CHADL: variants seen among roughly 807,000 people sequenced by gnomAD.
The protein encoded by CHADL is chondroadherin-like protein.
In CHADL, 48 loss-of-function variants were observed where a neutral mutation model predicts 52.1. The observed-to-expected ratio is 0.92, with a 90% CI of 0.73 to 1.17. The LOEUF (loss-of-function observed/expected upper bound fraction) is 1.17, where lower values mean the gene tolerates loss of function less well. CHADL is among the 50% of genes most tolerant of loss of function. CHADL has a pLI of 0.00. For synonymous variants in CHADL, 498 were observed against 511.2 expected (o/e 0.97, Z 0.35); for missense variants, 977 against 1,035.1 (o/e 0.94, Z 0.77).
In CHADL at chr22:41,229,608, G is replaced by T. The variant is rs1017098166; in HGVS notation, c.*96C>A. ...GTCCAAGAAGCCCCTGCTGGAGGAC[G>T]ACCCTCAGGGTGCCAGGAAGATCTC... is the stretch of plus-strand genomic sequence containing the variant. On this transcript the variant is annotated 3_prime_UTR_variant, in exon 6 of 6. Transcript: ENST00000216241. The T allele has an allele frequency of 1.9e-6, 3 of 1,613,684 alleles. No individual in the cohort carries two copies. The highest frequency in any genetic ancestry group is 2.5e-6 in the Non-Finnish European group (3 of 1,179,862).
intron 3 of CHADL, 70 bp from the exon 4 acceptor site, chr22:41,236,720 GCCCCA>G: frequency 2.1e-6 from 3 of 1,400,928 alleles, no homozygotes; most frequent in Non-Finnish European, 2.9e-6. Flanking sequence ...CTGGAAGGGA[GCCCCA>G]TCTTCCCTCA....
At chr22:41,233,793 C>CA (rs2032683115) in intron 5 of CHADL, among the ~76,000 whole-genome samples, 1 of 152,164 alleles carries the variant, frequency 6.6e-6, no homozygotes, top group Non-Finnish European at 1.5e-5. Flanking sequence ...CTAATGGCCC[C>CA]AGGAATCCCA....
Position 41,238,072 on chromosome 22 carries a change from C to T in CHADL, c.1000G>A (p.Gly334Ser), listed in dbSNP as rs2032781745. Reference sequence around the variant, plus strand: ...AGGCGCCGCGGCCCCTGGCACGCGCCGTCCGAGCGCACGCGCGCCCGCGCC... The same window carrying T: ...AGGCGCCGCGGCCCCTGGCACGCGCTGTCCGAGCGCACGCGCGCCCGCGCC... ...WLARARVRSD[G>S]ACQGPRRLRG... The change falls in exon 3 of 6, where the codon GGC becomes AGC. Residue 334 changes from glycine (G) to serine (S), a missense_variant. Coordinates refer to ENST00000216241, the MANE Select transcript of CHADL (RefSeq NM_138481.2). The surrounding 1 kb of genome is among the most constrained non-coding windows in gnomAD (Gnocchi z 4.9). The T allele has an allele frequency of 1.6e-6, 2 of 1,281,072 alleles. No homozygotes were observed. The highest frequency in any genetic ancestry group is 2.0e-6 in the Non-Finnish European group (2 of 1,022,858). The allele number at this position is 1,281,072 out of a possible 1,614,324, so 79.4% of individuals were successfully genotyped here.
Position 41,238,779 on chromosome 22 carries a change from A to G in CHADL, c.293T>C (p.Val98Ala). ...GAAGGCGCCCTCGGCCACCAGCTCC[A>G]CCTCGCAGTGGCGCAGGTCCAGGTG... The part of the protein sequence containing the change: ...LTHLDLRHCE[V>A]ELVAEGAFRG... The change falls in exon 3 of 6, where the codon GTG becomes GCG. Residue 98 changes from valine (V) to alanine (A), a missense_variant. Coordinates refer to ENST00000216241, the MANE Select transcript of CHADL (RefSeq NM_138481.2). The surrounding 1 kb of genome is among the most constrained non-coding windows in gnomAD (Gnocchi z 4.9). The G allele has an allele frequency of 6.5e-7, 1 of 1,549,558 alleles. No homozygotes were observed. The highest frequency in any genetic ancestry group is 8.7e-7 in the Non-Finnish European group (1 of 1,146,798).
intron 5 of CHADL, chr22:41,231,237 CTG>C (rs946926561): frequency 3.9e-5 from 6 of 152,228 alleles, no homozygotes; most frequent in Non-Finnish European, 7.3e-5. Context: ...TCCCCAGACT[CTG>C]TGTGTGAGAA....
intron 1 of CHADL, among the ~76,000 whole-genome samples, chr22:41,239,880 A>C (rs191124027): frequency 6.6e-6 from 1 of 152,188 alleles, no homozygotes; most frequent in Non-Finnish European, 1.5e-5. Flanking sequence ...CCTCTGCCCA[A>C]TGGCTCAGTG....
rs2032790419 is a variant in CHADL at position 41,238,343 on chromosome 22, G to C, written c.729C>G (p.Thr243=). ...CCAGCCCGTCCTCCTCGCCCGCGTA[G>C]GTGAGCGGGTTGTGGCCCAGCTCCA... ...ARLELGHNPL[T]YAGEEDGLAL... Residue 243 remains threonine (T), a synonymous_variant, in exon 3 of 6, where the codon ACC becomes ACG. Coordinates refer to ENST00000216241, the MANE Select transcript of CHADL (RefSeq NM_138481.2). This position sits in a 1 kb window ranked among gnomAD's most constrained non-coding sequence, Gnocchi z 4.9. The C allele has an allele frequency of 1.3e-6, 2 of 1,511,294 alleles. No individual in the cohort carries two copies. Among genetic ancestry groups the C allele is most frequent in the South Asian group, 2.5e-5 (2 of 81,146 alleles). 93.6% of individuals were successfully genotyped at this position (1,511,294 alleles called of 1,614,324 possible). A position where few individuals can be genotyped will look rare whatever the true frequency, so the allele number is the denominator to read the frequency against.
rs2032809022 is a variant in CHADL, at chr22:41,238,932, G to T, written c.187-47C>A. The T allele has an allele frequency of 1.3e-6, 2 of 1,481,528 alleles. No homozygotes were observed. The highest frequency in any genetic ancestry group is 5.0e-5 in the East Asian group (2 of 40,104). The allele number at this position is 1,481,528 out of a possible 1,614,324, so 91.8% of individuals were successfully genotyped here. ...TGGGGCTGAGCCAGGCAGGGACCCCGCCTTTGCAAGTGCTGCTTCTTCCCC... is the reference window on the plus strand; with the variant it reads ...TGGGGCTGAGCCAGGCAGGGACCCCTCCTTTGCAAGTGCTGCTTCTTCCCC... On this transcript the variant is annotated intron_variant, in intron 2 of 5. Transcript: ENST00000216241. The surrounding 1 kb of genome is among the most constrained non-coding windows in gnomAD (Gnocchi z 4.9).
chr22:41,238,244 GT>G lies in CHADL; in HGVS notation c.827del (p.His276ProfsTer15), dbSNP rs935766837. ...GGTCGAGGGTGTGCAGGCGCGGACA[GT>G]GTGCGAAGGCCCTGGGACCCAGGGC... ...LQALGPRAFA[H>X]CPRLHTLDLR... On this transcript the variant is annotated frameshift_variant, in exon 3 of 6. Coordinates refer to ENST00000216241, the MANE Select transcript of CHADL (RefSeq NM_138481.2). LOFTEE classifies it high-confidence loss of function. This position sits in a 1 kb window ranked among gnomAD's most constrained non-coding sequence, Gnocchi z 4.9. 2.0e-6 allele frequency: 3 copies of G among 1,530,516 alleles called. No individual in the cohort carries two copies. The African/African-American group carries it at 4.1e-5, about 21-fold the overall frequency. 94.8% of individuals were successfully genotyped at this position (1,530,516 alleles called of 1,614,324 possible).
chr22:41,237,269 C>T lies in CHADL; in HGVS notation c.1803G>A (p.Ser601=). The change falls in exon 3 of 6, where the codon TCG becomes TCA. Residue 601 remains serine (S), a synonymous_variant. Coordinates refer to ENST00000216241, the MANE Select transcript of CHADL (RefSeq NM_138481.2). ...GLPALLELQL[S]GNPLRALRDG... The stretch of plus-strand genomic sequence containing the variant: ...CACGCAAGGCCCTGAGTGGGTTGCC[C>T]GAGAGCTGCAGCTCCAGGAGGGCAG... 4 of 1,550,580 alleles carry T rather than the reference C, an allele frequency of 2.6e-6. No homozygotes were observed. The highest frequency in any genetic ancestry group is 3.5e-6 in the Non-Finnish European group (4 of 1,146,954).
Position 41,238,103 on chromosome 22 carries a change from C to A in CHADL, c.969G>T (p.Glu323Asp). Residue 323 changes from glutamate to aspartate, a missense_variant, in exon 3 of 6, where the codon GAG (glutamate) becomes GAT (aspartate). By Grantham distance (45) the Glu-to-Asp change is conservative. Coordinates refer to ENST00000216241, the MANE Select transcript of CHADL (RefSeq NM_138481.2). The surrounding 1 kb of genome is among the most constrained non-coding windows in gnomAD (Gnocchi z 4.9). ...AGCGCACGCGCGCCCGCGCCAGCCA[C>A]TCGAGTAGGGGCCGCGCCTGGCAGC... ...WCGCQARPLLEWLARARVRSD... is the reference protein window; with the variant it reads ...WCGCQARPLLDWLARARVRSD... 1 of 1,297,046 alleles carries A rather than the reference C, an allele frequency of 7.7e-7. No homozygotes were observed. The highest frequency in any genetic ancestry group is 2.4e-5 in the South Asian group (1 of 42,242). The allele number at this position is 1,297,046 out of a possible 1,614,324, so 80.3% of individuals were successfully genotyped here. A position where few individuals can be genotyped will look rare whatever the true frequency, so the allele number is the denominator to read the frequency against.
In CHADL at chr22:41,238,402, G is replaced by T. The variant is rs916758616; in HGVS notation, c.670C>A (p.Pro224Thr). ...HHNELQALPG[P>T]VLSQARGLAR... ...AGGCCGCGGGCCTGGGACAAGACAG[G>T]CCCGGGCAGAGCCTGGAGCTCGTTG... The change falls in exon 3 of 6, where the codon CCT (proline) becomes ACT (threonine). Residue 224 changes from proline to threonine, a missense_variant. Coordinates refer to ENST00000216241, the MANE Select transcript of CHADL (RefSeq NM_138481.2). The surrounding 1 kb of genome is among the most constrained non-coding windows in gnomAD (Gnocchi z 4.9). 6 of 1,514,102 alleles carry T rather than the reference G, an allele frequency of 4.0e-6. No homozygotes were observed. The African/African-American group carries it at 6.9e-5, about 17-fold the overall frequency. 93.8% of individuals were successfully genotyped at this position (1,514,102 alleles called of 1,614,324 possible).
chr22:41,235,060 G>A, intron 5 of CHADL, 85 bp downstream of exon 5: 1 of 1,380,938 alleles, frequency 7.2e-7, no homozygotes, highest in Non-Finnish European at 9.9e-7. Flanking sequence ...TCAGGACCAA[G>A]CCAAGTCAGG....
chr22:41,236,986 C>T (rs936789965), intron 3 of CHADL, among the ~76,000 whole-genome samples, 190 bp downstream of exon 3: 2 of 152,236 alleles, frequency 1.3e-5, no homozygotes, highest in African/African-American at 4.8e-5. Context: ...GTGCAGGCAC[C>T]GTGTGTGGCC....
chr22:41,240,079 T>TTTTG (rs530121693), intron 1 of CHADL, among the ~76,000 whole-genome samples: 6 of 152,042 alleles, frequency 3.9e-5, no homozygotes, highest in African/African-American at 7.2e-5. Flanking sequence ...TTGAGTCTTT[T>TTTTG]TTTGTTTGTT....
intron 1 of CHADL, 39 bp from the exon 2 acceptor site, chr22:41,239,659 G>A (rs755348248): frequency 5.4e-5 from 79 of 1,462,424 alleles, no homozygotes; most frequent in South Asian, 3.0e-4. Context: ...CACAAGGGCC[G>A]AGGCCACATG....
At position 41,236,520 on chromosome 22, in the gene CHADL, G is replaced by A. The variant is rs2032742827; in HGVS notation, c.2027C>T (p.Pro676Leu). Residue 676 changes from proline (P) to leucine (L), a missense_variant, in exon 4 of 6, where the codon CCC becomes CTC. Pro to Leu is a moderately conservative substitution (Grantham distance 98). Coordinates refer to ENST00000216241, the MANE Select transcript of CHADL (RefSeq NM_138481.2). ...AAGCAGCTGGCAGTCACAGTGGAAG[G>A]GATTGCTGCTGAGGTCGATGAGCTC... The part of the protein sequence containing the change: ...QLELIDLSSN[P>L]FHCDCQLLPL... 9 of 1,551,386 alleles carry A rather than the reference G, an allele frequency of 5.8e-6. No individual in the cohort carries two copies. The highest frequency in any genetic ancestry group is 7.0e-6 in the Non-Finnish European group (8 of 1,146,984).
In CHADL at chr22:41,240,767, G is replaced by C. The variant is rs530015433; in HGVS notation, c.8+107C>G. Reference sequence around the variant, plus strand: ...CCTGGAGAACCCCAGGAAGTCCCCAGAGCCCCTGCCCGCCAGCCTCTGAGA... The same window carrying C: ...CCTGGAGAACCCCAGGAAGTCCCCACAGCCCCTGCCCGCCAGCCTCTGAGA... On this transcript the variant is annotated intron_variant, in intron 1 of 5. Transcript: ENST00000216241. The C allele has an allele frequency of 7.3e-6, 10 of 1,378,106 alleles. No homozygotes were observed. The South Asian group carries it at 1.0e-4, about 14-fold the overall frequency. 85.4% of individuals were successfully genotyped at this position (1,378,106 alleles called of 1,614,324 possible).
intron 5 of CHADL, chr22:41,230,503 T>A: frequency 2.2e-6 from 1 of 464,906 alleles, no homozygotes; most frequent in Non-Finnish European, 3.8e-6. Flanking sequence ...GTGAACCACC[T>A]TTTCCAGCCA....
Sources: gnomAD v4.1 joint callset for allele counts (sites outside exome capture counted in the v4.1 genomes callset) on GRCh38, gnomAD v4.1.1 for gene constraint, Gnocchi (gnomAD v3.1) non-coding constraint, MANE v1.5 for transcripts, NCBI Gene and HGNC (gene_info 2026-07-23, HGNC 2026-07-21) for gene names.